Variants in KIAA0513 observed in about 807,000 individuals in gnomAD.
KIAA0513 encodes the protein KIAA0513, also known as uncharacterized protein KIAA0513.
A neutral mutation model predicts 56.5 loss-of-function variants in KIAA0513; 39 were observed. That is an observed-to-expected ratio of 0.69 (90% CI 0.53 to 0.90). The LOEUF is 0.90. Ranked by LOEUF, KIAA0513 falls within the 40% of genes least tolerant of loss-of-function variation. The probability of loss-of-function intolerance (pLI) is 0.00; values close to 1 mark genes in which losing one functional copy is unlikely to be tolerated. For synonymous variants in KIAA0513, 268 were observed against 215.6 expected (o/e 1.24, Z -2.13); for missense variants, 591 against 535.2 (o/e 1.10, Z -1.03).
chr16:85,055,844 G>T (rs1321105680), intron 1 of KIAA0513, among the ~76,000 whole-genome samples: 1 of 152,188 alleles, frequency 6.6e-6, no homozygotes, highest in Non-Finnish European at 1.5e-5. Context: ...TAATTCATCA[G>T]TGTGACAGCC....
Position 85,067,260 on chromosome 16 carries a change from C to G in KIAA0513, c.189C>G (p.His63Gln), listed in dbSNP as rs199549190. The change falls in exon 2 of 13, where the codon CAC becomes CAG. Residue 63 changes from histidine (H) to glutamine (Q), a missense_variant. Physicochemically the swap from His to Gln is conservative, Grantham distance 24. Coordinates refer to ENST00000683363, the MANE Select transcript of KIAA0513 (RefSeq NM_001388359.1). ...ATGACATGGGCGAGTCGCCCTCGCA[C>G]CCGTCCTGGGACCAAGACCGCCGTT... ...SENDMGESPSHPSWDQDRRSS... is the reference protein window; with the variant it reads ...SENDMGESPSQPSWDQDRRSS... The G allele has an allele frequency of 1.2e-6, 2 of 1,614,096 alleles. No individual in the cohort carries two copies. Among genetic ancestry groups the G allele is most frequent in the Non-Finnish European group, 1.7e-6 (2 of 1,180,010 alleles).
chr16:85,067,626 A>G (rs935380281), intron 2 of KIAA0513, among the ~76,000 whole-genome samples: 27 of 152,092 alleles, frequency 1.8e-4, no homozygotes, highest in African/African-American at 6.3e-4. Context: ...TTCACTCCAG[A>G]CCAGTTATAT....
At chr16:85,041,768 C>T (rs2073106553) in intron 1 of KIAA0513, among the ~76,000 whole-genome samples, 1 of 152,106 alleles carries the variant, frequency 6.6e-6, no homozygotes. Flanking sequence ...CCTGGGTTCC[C>T]CTGTTTCTCT....
chr16:85,069,567 G>C (rs2073541921), intron 2 of KIAA0513, among the ~76,000 whole-genome samples: 1 of 152,026 alleles, frequency 6.6e-6, no homozygotes, highest in East Asian at 1.9e-4. Flanking sequence ...TTCACTGCCT[G>C]TTAATATCTC....
At chr16:85,034,193 A>T (rs766245294) in intron 1 of KIAA0513, among the ~76,000 whole-genome samples, 1 of 152,126 alleles carries the variant, frequency 6.6e-6, no homozygotes, top group Non-Finnish European at 1.5e-5. Context: ...AGCCTGGCCA[A>T]CATGGTGAAA....
chr16:85,092,757 CCAG>C lies in KIAA0513; in HGVS notation c.*4434_*4436del, dbSNP rs2073882271. The C allele has an allele frequency of 1.3e-5, 2 of 152,262 alleles. No individual in the cohort carries two copies. The highest frequency in any genetic ancestry group is 6.5e-5 in the Admixed American group (1 of 15,284). 9.4% of individuals were successfully genotyped at this position (152,262 alleles called of 1,614,324 possible). A position where few individuals can be genotyped will look rare whatever the true frequency, so the allele number is the denominator to read the frequency against. ...GTCCACAGGAAAGGGGAGTCGGATGCCAGCTGCACCCCGCCTGGCTCGCACAGG... is the reference window on the plus strand; with the variant it reads ...GTCCACAGGAAAGGGGAGTCGGATGCCTGCACCCCGCCTGGCTCGCACAGG... On this transcript the variant is annotated 3_prime_UTR_variant, in exon 13 of 13. Coordinates refer to ENST00000683363, the MANE Select transcript of KIAA0513 (RefSeq NM_001388359.1).
At position 85,094,093 on chromosome 16, in the gene KIAA0513, T is replaced by A. The variant is rs2073898238; in HGVS notation, c.*5768T>A. 1 of 152,174 alleles carries A rather than the reference T, an allele frequency of 6.6e-6. No individual in the cohort carries two copies. Among genetic ancestry groups the A allele is most frequent in the Non-Finnish European group, 1.5e-5 (1 of 68,036 alleles). The allele number at this position is 152,174 out of a possible 1,614,324, so 9.4% of individuals were successfully genotyped here. On this transcript the variant is annotated 3_prime_UTR_variant, in exon 13 of 13. Transcript: ENST00000683363. ...ATGTTCTACAAACTCTGTTTTAAGG[T>A]TGAGAAAGTTTCAAGGGTGAAGATC...
At chr16:85,048,485 A>ATCTC (rs559515685) in intron 1 of KIAA0513, among the ~76,000 whole-genome samples, 3 of 150,146 alleles carry the variant, frequency 2.0e-5, no homozygotes, top group Non-Finnish European at 3.0e-5. Context: ...CTCAAAGCAG[A>ATCTC]TCTCTCTCTC....
At chr16:85,077,720 G>A (rs1228531338) in intron 6 of KIAA0513, 88 bp downstream of exon 6, 8 of 963,926 alleles carry the variant, frequency 8.3e-6, no homozygotes, top group Admixed American at 5.2e-5. Flanking sequence ...GGGAGGGTGC[G>A]GGTGAGGCCC....
At chr16:85,029,034 C>G (rs980434286) in intron 1 of KIAA0513, among the ~76,000 whole-genome samples, 1 of 152,202 alleles carries the variant, frequency 6.6e-6, no homozygotes, top group Non-Finnish European at 1.5e-5. Context: ...TGCATGTGAG[C>G]GTTCCTTCCT....
chr16:85,065,288 CG>C (rs1184890499), intron 1 of KIAA0513, among the ~76,000 whole-genome samples: 1 of 152,184 alleles, frequency 6.6e-6, no homozygotes, highest in East Asian at 1.9e-4. Flanking sequence ...GCGCCCTGGC[CG>C]GGGACGCAGC....
intron 12 of KIAA0513, 66 bp downstream of exon 12, chr16:85,087,232 C>G: frequency 7.6e-7 from 1 of 1,312,658 alleles, no homozygotes; most frequent in Non-Finnish European, 1.1e-6. Flanking sequence ...GTGCTGTGCC[C>G]GCTGGCGCTT....
intron 9 of KIAA0513, among the ~76,000 whole-genome samples, chr16:85,082,327 C>T (rs952659629): frequency 1.3e-5 from 2 of 152,018 alleles, no homozygotes; most frequent in Non-Finnish European, 1.5e-5. Context: ...CGAGAGACCC[C>T]GCTGTGCCAG....
chr16:85,035,336 G>T (rs937552407), intron 1 of KIAA0513, among the ~76,000 whole-genome samples: 5 of 152,202 alleles, frequency 3.3e-5, no homozygotes, highest in Non-Finnish European at 5.9e-5. Context: ...AAGAAACGCT[G>T]GTAGCACAGG....
intron 7 of KIAA0513, 42 bp from the exon 8 acceptor site, chr16:85,078,883 C>T (rs373064580): frequency 1.7e-4 from 270 of 1,609,066 alleles, no homozygotes; most frequent in Middle Eastern, 6.6e-4. Flanking sequence ...ACAGTGGGTG[C>T]GCAACCAGAG....
rs577743360 is a variant in KIAA0513, at chr16:85,072,850, C to T, written c.430-75C>T. ...GCTGCATTTGGAAACACTGAGAGTG[C>T]AAAGCCTGCAGCTTCACTGAGTGCT... On this transcript the variant is annotated intron_variant, in intron 3 of 12. Coordinates refer to ENST00000683363, the MANE Select transcript of KIAA0513 (RefSeq NM_001388359.1). 1.4e-4 allele frequency: 203 copies of T among 1,414,752 alleles called. No individual in the cohort carries two copies. In the African/African-American group the frequency reaches 2.1e-3, roughly 15 times the overall value. 87.6% of individuals were successfully genotyped at this position (1,414,752 alleles called of 1,614,324 possible). A position where few individuals can be genotyped will look rare whatever the true frequency, so the allele number is the denominator to read the frequency against.
At chr16:85,043,823 G>C (rs186883738) in intron 1 of KIAA0513, among the ~76,000 whole-genome samples, 1 of 152,114 alleles carries the variant, frequency 6.6e-6, no homozygotes, top group Non-Finnish European at 1.5e-5. Flanking sequence ...ACCTGAGGTC[G>C]GGAGTTCGAG....
chr16:85,057,183 C>G (rs947306196), intron 1 of KIAA0513, among the ~76,000 whole-genome samples: 1 of 152,174 alleles, frequency 6.6e-6, no homozygotes, highest in African/African-American at 2.4e-5. Context: ...TGTAAACCCC[C>G]TGTGGTCAGG....
intron 2 of KIAA0513, among the ~76,000 whole-genome samples, chr16:85,070,174 AAAAAAAAAAG>A (rs2073551674): frequency 7.0e-6 from 1 of 142,484 alleles, no homozygotes; most frequent in African/African-American, 2.5e-5. Context: ...CTGTCTCAAA[AAAAAAAAAAG>A]AAAAAAGAAA....
Sources: gnomAD v4.1 joint callset for allele counts (sites outside exome capture counted in the v4.1 genomes callset) on GRCh38, gnomAD v4.1.1 for gene constraint, MANE v1.5 for transcripts, NCBI Gene and HGNC (gene_info 2026-07-23, HGNC 2026-07-21) for gene names.